The following BBS5 variants were observed in gnomAD, a reference collection of about 807,000 sequenced individuals.
BBS5 encodes Bardet-Biedl syndrome 5, also known as BBSome complex member BBS5.
Under a neutral mutation model 50.2 loss-of-function variants are expected in BBS5, and 39 were observed. The ratio of observed to expected loss-of-function variants is 0.78; its 90% CI spans 0.60 to 1.01. The LOEUF (loss-of-function observed/expected upper bound fraction) is 1.01, where lower values mean the gene tolerates loss of function less well. Among genes scored for constraint, BBS5 ranks in the 50% least tolerant of loss-of-function variants. BBS5 has a pLI of 0.00. For missense variants in BBS5, 356 were observed against 401.5 expected, an observed-to-expected ratio of 0.89 and a Z score of 0.97; for synonymous variants, 134 against 133.1, an observed-to-expected ratio of 1.01 and a Z score of -0.05.
chr2:169,480,780 C>T (rs1033196712), intron 1 of BBS5, among the ~76,000 whole-genome samples: 1 of 144,066 alleles, frequency 6.9e-6, no homozygotes, highest in African/African-American at 2.5e-5. Context: ...CTCCCAGGTT[C>T]AAGCAATTCT....
intron 8 of BBS5, among the ~76,000 whole-genome samples, chr2:169,497,986 C>T (rs77883859): frequency 0.016 from 2,451 of 152,218 alleles, 40 homozygotes; most frequent in Non-Finnish European, 0.022. Context: ...CACAATCCTA[C>T]GATACAGCTA....
At chr2:169,499,425 A>G (rs1233605965) in intron 8 of BBS5, 61 bp from the exon 9 acceptor site, 3 of 1,504,456 alleles carry the variant, frequency 2.0e-6, no homozygotes, top group African/African-American at 1.4e-5. Flanking sequence ...AATTTATCTT[A>G]TACTATAAAT....
In BBS5 at chr2:169,502,890, C is replaced by G. The variant is rs569782417; in HGVS notation, c.817-205C>G. Among the ~76,000 whole-genome samples, 89 of 152,186 alleles carry G rather than the reference C, an allele frequency of 5.8e-4. No homozygotes were observed. The Middle Eastern group carries it at 0.017, about 29-fold the overall frequency. On this transcript the variant is annotated intron_variant, in intron 9 of 11. Transcript: ENST00000295240. ...TATGTGTAAATTTCTCTTTCTGGTT[C>G]TTTTCGTGATGCTGACTTCAGATAT... is the stretch of plus-strand genomic sequence containing the variant.
Position 169,482,300 on chromosome 2 carries a change from A to G in BBS5, c.109A>G (p.Ile37Val). Residue 37 changes from isoleucine to valine, a missense_variant, in exon 2 of 12, where the codon ATT (isoleucine) becomes GTT (valine). Transcript: ENST00000295240. ...AGTCCTTATTGATTGTTTAGATTCCATTGAAGACACCAAAGGAAATAATGG... is the reference window on the plus strand; with the variant it reads ...AGTCCTTATTGATTGTTTAGATTCCGTTGAAGACACCAAAGGAAATAATGG... Reference protein sequence around the residue: ...GEVLIDCLDSIEDTKGNNGDR... With the variant: ...GEVLIDCLDSVEDTKGNNGDR... 2 of 1,608,362 alleles carry G rather than the reference A, an allele frequency of 1.2e-6. No individual in the cohort carries two copies. The highest frequency in any genetic ancestry group is 1.7e-6 in the Non-Finnish European group (2 of 1,174,858).
At position 169,505,012 on chromosome 2, in the gene BBS5, T is replaced by G; in HGVS notation, c.*430T>G. On this transcript the variant is annotated 3_prime_UTR_variant, in exon 12 of 12. Coordinates refer to ENST00000295240, the MANE Select transcript of BBS5 (RefSeq NM_152384.3). The stretch of plus-strand genomic sequence containing the variant: ...AACTTCTTCCCAAAATGGCCGAAGC[T>G]GGACTGTACTGCTGCCATCTCTGGC... 2 of 1,598,544 alleles carry G rather than the reference T, an allele frequency of 1.3e-6. No homozygotes were observed. The highest frequency in any genetic ancestry group is 2.2e-5 in the South Asian group (2 of 90,840).
intron 10 of BBS5, among the ~76,000 whole-genome samples, chr2:169,503,998 C>CT (rs1439278775): frequency 6.6e-6 from 1 of 151,798 alleles, no homozygotes; most frequent in African/African-American, 2.4e-5. Context: ...CTTTTTTTCT[C>CT]TTTTTTACCT....
chr2:169,504,763 CGAGG>C lies in BBS5; in HGVS notation c.*187_*190del. On this transcript the variant is annotated 3_prime_UTR_variant, in exon 12 of 12. Coordinates refer to ENST00000295240, the MANE Select transcript of BBS5 (RefSeq NM_152384.3). The stretch of plus-strand genomic sequence containing the variant: ...AAACTTCAGTTTTCGGCCAGCGCGT[CGAGG>C]GAGGGGCCAGCGACACATGGCCTAG... The C allele has an allele frequency of 1.5e-6, 2 of 1,372,030 alleles. No individual in the cohort carries two copies. Among genetic ancestry groups the C allele is most frequent in the Non-Finnish European group, 2.0e-6 (2 of 997,644 alleles). The allele number at this position is 1,372,030 out of a possible 1,614,324, so 85.0% of individuals were successfully genotyped here.
intron 5 of BBS5, among the ~76,000 whole-genome samples, chr2:169,492,070 T>G (rs1683610698): frequency 1.3e-5 from 2 of 151,916 alleles, no homozygotes; most frequent in African/African-American, 4.8e-5. Flanking sequence ...GTGCTGGGAT[T>G]ACAGGTATGA....
At position 169,505,200 on chromosome 2, in the gene BBS5, G is replaced by A. The variant is rs184937359; in HGVS notation, c.*618G>A. The A allele has an allele frequency of 5.3e-5, 28 of 528,196 alleles. No homozygotes were observed. Among genetic ancestry groups the A allele is most frequent in the South Asian group, 7.6e-5 (4 of 52,556 alleles). 32.7% of individuals were successfully genotyped at this position (528,196 alleles called of 1,614,324 possible). A position where few individuals can be genotyped will look rare whatever the true frequency, so the allele number is the denominator to read the frequency against. On this transcript the variant is annotated 3_prime_UTR_variant, in exon 12 of 12. Transcript: ENST00000295240. ...TCCAGCTCCTAACCGCGAGTGATCC[G>A]CCAGCCTCGGCCTCCCGAGGTGCCG...
intron 7 of BBS5, among the ~76,000 whole-genome samples, chr2:169,496,520 G>A (rs1683695233): frequency 6.6e-6 from 1 of 151,988 alleles, no homozygotes; most frequent in South Asian, 2.1e-4. Context: ...TGGATCACAA[G>A]GTCAGGAGAT....
rs71003093 is a variant in BBS5, at chr2:169,489,851, C to CTTTTTTTTTTTTTTT, written c.386+1764_386+1778dup. Among the ~76,000 whole-genome samples the CTTTTTTTTTTTTTTT allele has an allele frequency of 7.6e-5, 5 of 65,902 alleles. 1 individual carries two copies. The highest frequency in any genetic ancestry group is 1.1e-4 in the Non-Finnish European group (4 of 37,962). 43.2% of individuals were successfully genotyped at this position (65,902 alleles called of 152,430 possible). A position where few individuals can be genotyped will look rare whatever the true frequency, so the allele number is the denominator to read the frequency against. ...TATTTTTTGGCTTCTCATAAATTTC[C>CTTTTTTTTTTTTTTT]TTTTTTTTTTTTTTTTTTTTTTTTT... On this transcript the variant is annotated intron_variant, in intron 5 of 11. Coordinates refer to ENST00000295240, the MANE Select transcript of BBS5 (RefSeq NM_152384.3).
intron 2 of BBS5, 57 bp downstream of exon 2, chr2:169,482,390 C>CAT: frequency 9.2e-7 from 1 of 1,087,294 alleles, no homozygotes; most frequent in Non-Finnish European, 1.4e-6. Flanking sequence ...AATGTTGAAT[C>CAT]ATATTAGCTA....
Position 169,504,903 on chromosome 2 carries a change from C to A in BBS5, c.*321C>A, listed in dbSNP as rs1439138915. ...CACGCCCGGCTGCAAATTCGCCCAG[C>A]CAATGGGGACGTTGCGGCCCAGTGG... is the stretch of plus-strand genomic sequence containing the variant. On this transcript the variant is annotated 3_prime_UTR_variant, in exon 12 of 12. Transcript: ENST00000295240. The A allele has an allele frequency of 2.9e-5, 46 of 1,613,556 alleles. No individual in the cohort carries two copies. Among genetic ancestry groups the A allele is most frequent in the Non-Finnish European group, 3.6e-5 (43 of 1,179,874 alleles).
At chr2:169,481,912 T>C (rs1442202636) in intron 1 of BBS5, among the ~76,000 whole-genome samples, 3 of 152,210 alleles carry the variant, frequency 2.0e-5, no homozygotes, top group Non-Finnish European at 2.9e-5. Flanking sequence ...CCTCCCAATA[T>C]GGTCCTTCTT....
intron 6 of BBS5, 98 bp downstream of exon 6, chr2:169,493,107 A>G: frequency 7.1e-7 from 1 of 1,407,448 alleles, no homozygotes; most frequent in East Asian, 2.3e-5. Flanking sequence ...AATTGTTAAA[A>G]TTAGCATTAT....
rs775460026 is a variant in BBS5 at position 169,479,511 on chromosome 2, C to T, written c.-43C>T. On this transcript the variant is annotated 5_prime_UTR_variant, in exon 1 of 12. Transcript: ENST00000295240. ...TTGGAGCCAGAGAGACGCAGCTAGG[C>T]CTGCACGGCTGTGGAGAGATCCTGC... The T allele has an allele frequency of 3.1e-6, 5 of 1,603,286 alleles. No homozygotes were observed. In the African/African-American group the frequency reaches 5.4e-5, roughly 17 times the overall value.
chr2:169,498,705 G>A (rs1559125039), intron 8 of BBS5, among the ~76,000 whole-genome samples: 1 of 151,748 alleles, frequency 6.6e-6, no homozygotes, highest in Non-Finnish European at 1.5e-5. Context: ...CTCCGGAGAG[G>A]CTGAGGCAGG....
intron 9 of BBS5, 31 bp downstream of exon 9, chr2:169,499,651 G>T (rs758889277): frequency 1.4e-5 from 22 of 1,606,590 alleles, no homozygotes; most frequent in African/African-American, 2.7e-5. Context: ...AATAAAGTTT[G>T]CATTGCTTTA....
chr2:169,494,107 C>T (rs770173504), intron 7 of BBS5, among the ~76,000 whole-genome samples: 1 of 152,094 alleles, frequency 6.6e-6, no homozygotes, highest in Non-Finnish European at 1.5e-5. Context: ...AATAGTAATA[C>T]AGAGTAAGGT....
Sources: allele counts gnomAD v4.1 joint callset (sites outside exome capture counted in the v4.1 genomes callset), GRCh38; gene constraint gnomAD v4.1.1; transcripts MANE v1.5; gene names NCBI Gene and HGNC (gene_info 2026-07-23, HGNC 2026-07-21).